GRM5: variants seen among roughly 807,000 people sequenced by gnomAD.
The protein encoded by GRM5 is metabotropic glutamate receptor 5.
Under a neutral mutation model 83.1 loss-of-function variants are expected in GRM5, and 19 were observed. That is an observed-to-expected ratio of 0.23 (90% CI 0.16 to 0.34). The LOEUF (loss-of-function observed/expected upper bound fraction) is 0.34, where lower values mean the gene tolerates loss of function less well. Among genes scored for constraint, GRM5 ranks in the 10% least tolerant of loss-of-function variants. GRM5 has a pLI of 1.00. For synonymous variants in GRM5, 675 were observed against 633.6 expected, an observed-to-expected ratio of 1.07 and a Z score of -0.98; for missense variants, 1,160 against 1,588.3, an observed-to-expected ratio of 0.73 and a Z score of 4.58.
intron 2 of GRM5, among the ~76,000 whole-genome samples, chr11:88,852,956 T>A (rs182305185): frequency 7.2e-4 from 109 of 152,070 alleles, no homozygotes; most frequent in Middle Eastern, 3.4e-3. Flanking sequence ...ACATTTCAAG[T>A]AATATGTAGA....
intron 3 of GRM5, among the ~76,000 whole-genome samples, chr11:88,764,191 A>G (rs1942582400): frequency 6.6e-6 from 1 of 151,776 alleles, no homozygotes; most frequent in Admixed American, 6.6e-5. Flanking sequence ...CATACACAAG[A>G]ACAGACAATC....
chr11:88,581,304 G>A (rs1271185688), intron 7 of GRM5, among the ~76,000 whole-genome samples: 1 of 152,090 alleles, frequency 6.6e-6, no homozygotes, highest in African/African-American at 2.4e-5. Context: ...GAAACTTTTT[G>A]TATGCTATAA....
chr11:88,970,528 T>C (rs1939135941), intron 2 of GRM5, among the ~76,000 whole-genome samples: 1 of 152,202 alleles, frequency 6.6e-6, no homozygotes, highest in African/African-American at 2.4e-5. Context: ...ACTCTGTACA[T>C]AGGAAGAAGA....
intron 2 of GRM5, among the ~76,000 whole-genome samples, chr11:88,983,412 T>C (rs1190281435): frequency 2.6e-5 from 4 of 152,176 alleles, no homozygotes; most frequent in Non-Finnish European, 4.4e-5. Context: ...AAATCATATA[T>C]GCAAAGGTGA....
chr11:88,821,002 C>T (rs7479952), intron 3 of GRM5, among the ~76,000 whole-genome samples: 74,165 of 151,878 alleles, frequency 0.49, 21,380 homozygotes, highest in African/African-American at 0.76. Context: ...GACATCATTT[C>T]AGAAATATAT....
At chr11:89,064,888 C>CTCTCTCTGTGTGTGTGTGTG (rs1218318990) in intron 1 of GRM5, among the ~76,000 whole-genome samples, 15 of 62,252 alleles carry the variant, frequency 2.4e-4, no homozygotes, top group African/African-American at 9.7e-4. Flanking sequence ...CTCTCTCTCT[C>CTCTCTCTGTGTGTGTGTGTG]TGTGTGTGTG....
At chr11:88,804,583 G>A (rs1943464305) in intron 3 of GRM5, among the ~76,000 whole-genome samples, 1 of 151,864 alleles carries the variant, frequency 6.6e-6, no homozygotes, top group Non-Finnish European at 1.5e-5. Context: ...TATACCTAAT[G>A]CTAAATGACG....
intron 3 of GRM5, among the ~76,000 whole-genome samples, chr11:88,702,837 G>A (rs1232087242): frequency 1.3e-5 from 2 of 152,062 alleles, no homozygotes; most frequent in Non-Finnish European, 2.9e-5. Context: ...AGCCACATGA[G>A]TAGGCAGCTT....
intron 8 of GRM5, among the ~76,000 whole-genome samples, chr11:88,543,089 G>A (rs1942306251): frequency 6.6e-6 from 1 of 152,150 alleles, no homozygotes; most frequent in Admixed American, 6.5e-5. Context: ...ATAACACCTA[G>A]GTGTCCTAGA....
chr11:88,702,107 G>T (rs1941049303), intron 3 of GRM5, among the ~76,000 whole-genome samples: 1 of 151,974 alleles, frequency 6.6e-6, no homozygotes, highest in Admixed American at 6.6e-5. Flanking sequence ...AGCCAAGGGG[G>T]CATTAATTCA....
At chr11:88,661,147 T>TA in intron 3 of GRM5, among the ~76,000 whole-genome samples, 1 of 152,230 alleles carries the variant, frequency 6.6e-6, no homozygotes, top group East Asian at 1.9e-4. Flanking sequence ...CAAAGTAGAC[T>TA]ACAAATTTTA....
At chr11:88,818,918 T>A (rs1943737931) in intron 3 of GRM5, among the ~76,000 whole-genome samples, 1 of 152,218 alleles carries the variant, frequency 6.6e-6, no homozygotes, top group Non-Finnish European at 1.5e-5. Context: ...ATTGAATCTA[T>A]TATGAGAGTT....
intron 2 of GRM5, among the ~76,000 whole-genome samples, chr11:88,874,533 A>T (rs1438333047): frequency 6.6e-6 from 1 of 151,956 alleles, no homozygotes; most frequent in Non-Finnish European, 1.5e-5. Context: ...ATCTGAACAA[A>T]GGTTTTTGCA....
At chr11:88,843,771 A>T (rs1454148616) in intron 3 of GRM5, among the ~76,000 whole-genome samples, 1 of 152,248 alleles carries the variant, frequency 6.6e-6, no homozygotes, top group African/African-American at 2.4e-5. Flanking sequence ...GATAAGAAAG[A>T]GAAACAGCCT....
At chr11:88,990,495 C>A (rs1272349668) in intron 2 of GRM5, among the ~76,000 whole-genome samples, 5 of 148,290 alleles carry the variant, frequency 3.4e-5, no homozygotes, top group South Asian at 2.2e-4. Context: ...AGAGGGAATC[C>A]TCCCTAACTC....
At chr11:88,773,091 C>T (rs1480164864) in intron 3 of GRM5, among the ~76,000 whole-genome samples, 1 of 152,184 alleles carries the variant, frequency 6.6e-6, no homozygotes, top group Admixed American at 6.5e-5. Context: ...TCCTATTTCT[C>T]CACATCCTCT....
At chr11:88,579,496 T>C (rs1268605007) in intron 7 of GRM5, among the ~76,000 whole-genome samples, 1 of 152,140 alleles carries the variant, frequency 6.6e-6, no homozygotes, top group East Asian at 1.9e-4. Flanking sequence ...GGTTAGTTTG[T>C]AGTATTAAAC....
chr11:88,533,534 TTC>T (rs1942064625), intron 8 of GRM5, among the ~76,000 whole-genome samples: 1 of 152,150 alleles, frequency 6.6e-6, no homozygotes, highest in South Asian at 2.1e-4. Context: ...ATTTTATTTA[TTC>T]TCTGTTTTCC....
In GRM5 at chr11:89,047,065, C is replaced by T; in HGVS notation, c.661+147G>A. On this transcript the variant is annotated intron_variant, in intron 2 of 9. Coordinates refer to ENST00000305447, the MANE Select transcript of GRM5 (RefSeq NM_001143831.3). This position sits in a 1 kb window ranked among gnomAD's most constrained non-coding sequence, Gnocchi z 5.1. ...AAGTCTTTGTCTCTCTAGATATATG[C>T]CATCCAGTCTGTTCTTATAGTACTG... 2 of 626,048 alleles carry T rather than the reference C, an allele frequency of 3.2e-6. No individual in the cohort carries two copies. The highest frequency in any genetic ancestry group is 5.6e-6 in the Non-Finnish European group (2 of 355,982). The allele number at this position is 626,048 out of a possible 1,614,324, so 38.8% of individuals were successfully genotyped here.
Sources: gnomAD v4.1 joint callset for allele counts (sites outside exome capture counted in the v4.1 genomes callset) on GRCh38, gnomAD v4.1.1 for gene constraint, Gnocchi (gnomAD v3.1) non-coding constraint, MANE v1.5 for transcripts, NCBI Gene and HGNC (gene_info 2026-07-23, HGNC 2026-07-21) for gene names.